NEB: variants seen among roughly 807,000 people sequenced by gnomAD.
NEB encodes nemaline myopathy type 2.
In NEB, 512 loss-of-function variants were observed where a neutral mutation model predicts 952.2. The ratio of observed to expected loss-of-function variants is 0.54; its 90% CI spans 0.50 to 0.58. The LOEUF (loss-of-function observed/expected upper bound fraction) is 0.58, where lower values mean the gene tolerates loss of function less well. NEB is among the 20% of genes least tolerant of loss of function. The probability of loss-of-function intolerance (pLI) is 0.00; values close to 1 mark genes in which losing one functional copy is unlikely to be tolerated. For missense variants in NEB, 8,428 were observed against 9,231.1 expected, an observed-to-expected ratio of 0.91 and a Z score of 3.56; for synonymous variants, 2,900 against 3,149.8, an observed-to-expected ratio of 0.92 and a Z score of 2.66.
chr2:151,731,328 TTCTC>T lies in NEB; in HGVS notation c.37-1676_37-1673del, dbSNP rs976386882. 2.6e-5 allele frequency among the ~76,000 whole-genome samples: 4 copies of T among 152,352 alleles called. No individual in the cohort carries two copies. The South Asian group carries it at 6.2e-4, about 24-fold the overall frequency. ...CACTAATTAGATAGTGCATCCTTGC[TTCTC>T]TCTCTTTCTTTTCAAGTTTAAGTTA... is the stretch of plus-strand genomic sequence containing the variant. On this transcript the variant is annotated intron_variant, in intron 3 of 181. Coordinates refer to ENST00000397345, the MANE Select transcript of NEB (RefSeq NM_001164508.2).
rs568830640 is a variant in NEB, at chr2:151,675,114, T to C, written c.3879+173A>G. ...AATGTTATGTCCTTTAAAATTGTCC[T>C]ACATTTGAAAAGGCCAACTGAAGAG... On this transcript the variant is annotated intron_variant, in intron 35 of 181. Coordinates refer to ENST00000397345, the MANE Select transcript of NEB (RefSeq NM_001164508.2). Among the ~76,000 whole-genome samples, 4 of 152,336 alleles carry C rather than the reference T, an allele frequency of 2.6e-5. No individual in the cohort carries two copies. The South Asian group carries it at 8.3e-4, about 32-fold the overall frequency.
At position 151,614,462 on chromosome 2, in the gene NEB, C is replaced by T. The variant is rs1380185381; in HGVS notation, c.11415G>A (p.Lys3805=). ...TGGTCTTCCACTTCTCAAACTCCTT[C>T]TTGTACTCCCTGTCACTCTGGATCT... ...VAKIQSDREY[K]KEFEKWKTKF... is the part of the protein sequence containing the mutation. The change falls in exon 77 of 182, where the codon AAG becomes AAA. Residue 3805 remains lysine, a synonymous_variant. Transcript: ENST00000397345. The T allele has an allele frequency of 6.2e-7, 1 of 1,613,940 alleles. No individual in the cohort carries two copies. Among genetic ancestry groups the T allele is most frequent in the East Asian group, 2.2e-5 (1 of 44,870 alleles).
chr2:151,659,580 C>T (rs1215428847), intron 46 of NEB, among the ~76,000 whole-genome samples: 2 of 152,162 alleles, frequency 1.3e-5, no homozygotes, highest in Non-Finnish European at 2.9e-5. Flanking sequence ...GTATTACAGG[C>T]ATGAGCCACT....
intron 54 of NEB, among the ~76,000 whole-genome samples, chr2:151,647,455 G>A (rs1315843355): frequency 3.0e-4 from 46 of 152,148 alleles, no homozygotes; most frequent in Non-Finnish European, 4.4e-5. Context: ...ACACAGGGCA[G>A]AATATCTCCC....
intron 54 of NEB, 29 bp from the exon 55 acceptor site, chr2:151,646,263 GGTGTTGTTAGATTA>G: frequency 6.8e-7 from 1 of 1,480,286 alleles, no homozygotes; most frequent in East Asian, 2.4e-5. Flanking sequence ...ATTTTTCAGT[GGTGTTGTTAGATTA>G]GTGAATGATA....
chr2:151,665,972 G>C, intron 41 of NEB, 118 bp downstream of exon 41: 1 of 1,072,258 alleles, frequency 9.3e-7, no homozygotes, highest in Non-Finnish European at 1.3e-6. Flanking sequence ...AAAACTCTGA[G>C]TTCTGGAGGG....
intron 144 of NEB, 113 bp from the exon 145 acceptor site, chr2:151,531,214 A>AT: frequency 1.4e-6 from 1 of 713,080 alleles, no homozygotes. Flanking sequence ...AATTCTATGA[A>AT]TTTGACAGGT....
intron 173 of NEB, among the ~76,000 whole-genome samples, chr2:151,494,694 G>A (rs2058957822): frequency 6.6e-6 from 1 of 152,104 alleles, no homozygotes; most frequent in Non-Finnish European, 1.5e-5. Flanking sequence ...TGTCACCCAG[G>A]CTGGAGTGCA....
chr2:151,530,639 T>C (rs2090138339), intron 145 of NEB: 1 of 190,740 alleles, frequency 5.2e-6, no homozygotes, highest in Non-Finnish European at 1.1e-5. Flanking sequence ...TGGAGACCCA[T>C]CTGGGGAGAA....
intron 28 of NEB, 75 bp from the exon 29 acceptor site, chr2:151,682,844 A>C: frequency 7.7e-7 from 1 of 1,304,768 alleles, no homozygotes; most frequent in Non-Finnish European, 1.1e-6. Flanking sequence ...AGTTTTACCC[A>C]AAACAATGTT....
chr2:151,655,221 T>C, intron 51 of NEB, 49 bp downstream of exon 51: 1 of 1,072,026 alleles, frequency 9.3e-7, no homozygotes, highest in South Asian at 1.5e-5. Flanking sequence ...ATTTTATAAG[T>C]TCATAAGTTT....
intron 130 of NEB, among the ~76,000 whole-genome samples, chr2:151,549,282 G>C (rs765723171): frequency 7.9e-5 from 12 of 152,206 alleles, no homozygotes; most frequent in Non-Finnish European, 1.0e-4. Context: ...CCACACCTCA[G>C]TAGTGCGTGT....
chr2:151,511,706 C>A (rs919449617), intron 161 of NEB, among the ~76,000 whole-genome samples: 4 of 152,172 alleles, frequency 2.6e-5, no homozygotes, highest in African/African-American at 9.7e-5. Context: ...GAAGGCCTAT[C>A]CCAGGGTGTG....
Position 151,540,389 on chromosome 2 carries a change from C to A in NEB, c.20847G>T (p.Thr6949=). Residue 6949 remains threonine (T), a synonymous_variant, in exon 138 of 182, where the codon ACG becomes ACT. Coordinates refer to ENST00000397345, the MANE Select transcript of NEB (RefSeq NM_001164508.2). Reference sequence around the variant, plus strand: ...CCCTCTTGGCTCTGATGAGGATTGGCGTATCTGGAACCGGAGTGTACTTGT... The same window carrying A: ...CCCTCTTGGCTCTGATGAGGATTGGAGTATCTGGAACCGGAGTGTACTTGT... ...MKDKYTPVPD[T]PILIRAKRAY... The A allele has an allele frequency of 6.3e-7, 1 of 1,586,312 alleles. No individual in the cohort carries two copies. Among genetic ancestry groups the A allele is most frequent in the African/African-American group, 1.3e-5 (1 of 74,670 alleles).
In NEB at chr2:151,659,164, G is replaced by A. The variant is rs1433412595; in HGVS notation, c.5976C>T (p.Leu1992=). 3 of 1,603,152 alleles carry A rather than the reference G, an allele frequency of 1.9e-6. No homozygotes were observed. The highest frequency in any genetic ancestry group is 2.6e-6 in the Non-Finnish European group (3 of 1,170,420). The change falls in exon 47 of 182, where the codon CTC becomes CTT. Residue 1992 remains leucine (L), a synonymous_variant. Coordinates refer to ENST00000397345, the MANE Select transcript of NEB (RefSeq NM_001164508.2). ...TGTCAGCCTCCCATGCTTGTTTGTA[G>A]AGATGCTAGGAAAAAAACAGTGTAA... ...QNNAKIMNEH[L]YKQAWEADKT...
intron 116 of NEB, 71 bp from the exon 117 acceptor site, chr2:151,565,219 A>G: frequency 1.2e-6 from 1 of 847,760 alleles, no homozygotes; most frequent in Non-Finnish European, 1.8e-6. Context: ...ACCTAGAAAC[A>G]TAATCAGTCC....
chr2:151,509,459 C>T lies in NEB; in HGVS notation c.23347-1350G>A, dbSNP rs192246661. On this transcript the variant is annotated intron_variant, in intron 161 of 181. Transcript: ENST00000397345. ...CTGGTTTGCAGAGCTGGTGCTAATC[C>T]CTTAGAGGGATAATCACATTTGCAC... 2.2e-4 allele frequency among the ~76,000 whole-genome samples: 34 copies of T among 152,126 alleles called. No homozygotes were observed. The Middle Eastern group carries it at 0.014, about 61-fold the overall frequency.
Position 151,643,287 on chromosome 2 carries a change from C to T in NEB, c.8023G>A (p.Asp2675Asn), listed in dbSNP as rs2098909606. 1 of 1,613,736 alleles carries T rather than the reference C, an allele frequency of 6.2e-7. No homozygotes were observed. The highest frequency in any genetic ancestry group is 1.1e-5 in the South Asian group (1 of 91,068). ...TGGGTGGCTCGTTTATTTTTCTCAT[C>T]CTCGAGAGAACCACTAGTCATCCAG... ...IGWMTSGSLEDEKNKRATQIL... is the reference protein window; with the variant it reads ...IGWMTSGSLENEKNKRATQIL... The change falls in exon 58 of 182, where the codon GAT becomes AAT. Residue 2675 changes from aspartate (D) to asparagine (N), a missense_variant. By Grantham distance (23) the Asp-to-Asn change is conservative. This residue lies in a region of NEB where 1,772 missense variants were observed against 1,960.3 expected (regional missense o/e 0.90). Coordinates refer to ENST00000397345, the MANE Select transcript of NEB (RefSeq NM_001164508.2).
chr2:151,498,509 A>G (rs1465778377), intron 169 of NEB, among the ~76,000 whole-genome samples, 157 bp from the exon 170 acceptor site: 1 of 152,218 alleles, frequency 6.6e-6, no homozygotes, highest in African/African-American at 2.4e-5. Context: ...TTGAGCCTAA[A>G]GACATCTTCA....
Sources: allele counts gnomAD v4.1 joint callset (sites outside exome capture counted in the v4.1 genomes callset), GRCh38; gene constraint gnomAD v4.1.1; regional missense constraint gnomAD v4.1.1; transcripts MANE v1.5; gene names NCBI Gene and HGNC (gene_info 2026-07-23, HGNC 2026-07-21).